PLEKHA5: variants seen among roughly 807,000 people sequenced by gnomAD.
PLEKHA5 encodes the protein pleckstrin homology domain containing A5.
Under a neutral mutation model 181.9 loss-of-function variants are expected in PLEKHA5, and 55 were observed. The observed-to-expected ratio is 0.30, with a 90% CI of 0.24 to 0.38. PLEKHA5 has a LOEUF of 0.38. Ranked by LOEUF, PLEKHA5 falls within the 10% of genes least tolerant of loss-of-function variation. The pLI, the probability that PLEKHA5 is intolerant of heterozygous loss-of-function variation, is 1.00. For synonymous variants in PLEKHA5, 535 were observed against 529.4 expected, an observed-to-expected ratio of 1.01 and a Z score of -0.15; for missense variants, 1,432 against 1,549.5, an observed-to-expected ratio of 0.92 and a Z score of 1.27.
chr12:19,148,850 T>A (rs1004626662), intron 3 of PLEKHA5, among the ~76,000 whole-genome samples: 1 of 152,178 alleles, frequency 6.6e-6, no homozygotes, highest in Non-Finnish European at 1.5e-5. Context: ...TCTCAGGCTC[T>A]TTCACACCTA....
chr12:19,241,310 C>A (rs2062543482), intron 3 of PLEKHA5, among the ~76,000 whole-genome samples: 2 of 151,994 alleles, frequency 1.3e-5, no homozygotes, highest in Admixed American at 1.3e-4. Flanking sequence ...GGTTTTAATT[C>A]CTATTCTACA....
chr12:19,177,921 T>C (rs1369392533), intron 3 of PLEKHA5, among the ~76,000 whole-genome samples: 1 of 152,234 alleles, frequency 6.6e-6, no homozygotes, highest in African/African-American at 2.4e-5. Context: ...TCAGCTTCTG[T>C]GTGACTAATT....
At chr12:19,375,105 G>A (rs2095684040) in intron 31 of PLEKHA5, among the ~76,000 whole-genome samples, 1 of 151,512 alleles carries the variant, frequency 6.6e-6, no homozygotes, top group Admixed American at 6.6e-5. Context: ...AGTCAGATCA[G>A]TTGAGGCCAG....
At chr12:19,147,263 T>G (rs2039156286) in intron 3 of PLEKHA5, 1 of 152,230 alleles carries the variant, frequency 6.6e-6, no homozygotes, top group South Asian at 2.1e-4. Context: ...ACGTATTTCT[T>G]TTTTCTATTT....
chr12:19,174,016 A>G (rs1591926845), intron 3 of PLEKHA5, among the ~76,000 whole-genome samples: 2 of 152,256 alleles, frequency 1.3e-5, no homozygotes, highest in Non-Finnish European at 1.5e-5. Context: ...TTTTAAAACT[A>G]TAAAATGAAT....
rs1336766261 is a variant in PLEKHA5, at chr12:19,168,232, TG to T, written c.227+35783del. 2.6e-5 allele frequency among the ~76,000 whole-genome samples: 4 copies of T among 152,332 alleles called. No homozygotes were observed. The East Asian group carries it at 5.8e-4, about 22-fold the overall frequency. ...AATCACCTTCTGGCTGCCATTTTGC[TG>T]TATTTCTTTTGAGGTATTCTCTTTG... On this transcript the variant is annotated intron_variant, in intron 3 of 31. Coordinates refer to ENST00000429027, the MANE Select transcript of PLEKHA5 (RefSeq NM_001256470.2).
At position 19,167,545 on chromosome 12, in the gene PLEKHA5, A is replaced by T. The variant is rs181248285; in HGVS notation, c.227+35095A>T. On this transcript the variant is annotated intron_variant, in intron 3 of 31. Transcript: ENST00000429027. ...AATCCTGTCTCTTCCCTGTTGGTTT[A>T]ACCTGTGTTATCCACATTTTTTTAT... 2.8e-3 allele frequency among the ~76,000 whole-genome samples: 415 copies of T among 147,952 alleles called. 2 individuals carry two copies. Among genetic ancestry groups the T allele is most frequent in the African/African-American group, 9.3e-3 (373 of 40,102 alleles).
At chr12:19,148,343 C>T (rs1044881654) in intron 3 of PLEKHA5, among the ~76,000 whole-genome samples, 1 of 152,214 alleles carries the variant, frequency 6.6e-6, no homozygotes, top group Admixed American at 6.5e-5. Flanking sequence ...AGGTGTAAGC[C>T]ACCATGTCCG....
chr12:19,163,394 G>A (rs1296694150), intron 3 of PLEKHA5, among the ~76,000 whole-genome samples: 4 of 152,108 alleles, frequency 2.6e-5, no homozygotes, highest in African/African-American at 9.6e-5. Context: ...AGCCAGGATG[G>A]TCTCAATCTC....
At chr12:19,281,720 A>C (rs755602499) in intron 11 of PLEKHA5, among the ~76,000 whole-genome samples, 1 of 152,164 alleles carries the variant, frequency 6.6e-6, no homozygotes, top group Admixed American at 6.5e-5. Context: ...TGAAGTTGGC[A>C]CTGTGATAGT....
chr12:19,356,576 C>T (rs116681611), intron 26 of PLEKHA5, among the ~76,000 whole-genome samples: 1 of 150,932 alleles, frequency 6.6e-6, no homozygotes, highest in South Asian at 2.1e-4. Flanking sequence ...TATTTTACCA[C>T]TTATTAAGTG....
At chr12:19,234,085 A>T (rs1288457401) in intron 3 of PLEKHA5, among the ~76,000 whole-genome samples, 1 of 152,214 alleles carries the variant, frequency 6.6e-6, no homozygotes, top group South Asian at 2.1e-4. Flanking sequence ...TTTTCCTTAA[A>T]TGAATAGTTT....
rs549439827 is a variant in PLEKHA5, at chr12:19,180,189, A to G, written c.227+47739A>G. On this transcript the variant is annotated intron_variant, in intron 3 of 31. Coordinates refer to ENST00000429027, the MANE Select transcript of PLEKHA5 (RefSeq NM_001256470.2). ...AGCAAATCTCAAACTGTCAGCTTAG[A>G]GGTTTATTGTGCGTGTCTGCTCTTT... 4.9e-4 allele frequency among the ~76,000 whole-genome samples: 74 copies of G among 152,310 alleles called. 1 individual carries two copies. Among genetic ancestry groups the G allele is most frequent in the South Asian group, 8.3e-4 (4 of 4,832 alleles).
At chr12:19,315,643 A>G (rs1342178001) in intron 16 of PLEKHA5, among the ~76,000 whole-genome samples, 3 of 152,138 alleles carry the variant, frequency 2.0e-5, no homozygotes, top group African/African-American at 4.8e-5. Flanking sequence ...TTTCACTTCA[A>G]CACCCTCAAA....
intron 31 of PLEKHA5, 114 bp from the exon 32 acceptor site, chr12:19,375,417 A>G (rs148752782): frequency 2.0e-5 from 3 of 152,372 alleles, no homozygotes; most frequent in African/African-American, 4.8e-5. Flanking sequence ...TAGGATTTTC[A>G]TGGCCATGCT....
intron 12 of PLEKHA5, among the ~76,000 whole-genome samples, chr12:19,284,080 T>G (rs1380979000): frequency 6.6e-6 from 1 of 152,130 alleles, no homozygotes; most frequent in Admixed American, 6.6e-5. Context: ...TGTTGTTGTT[T>G]TGTTTTGAGA....
At chr12:19,292,033 A>C (rs1196377962) in intron 15 of PLEKHA5, among the ~76,000 whole-genome samples, 1 of 152,184 alleles carries the variant, frequency 6.6e-6, no homozygotes, top group Admixed American at 6.5e-5. Context: ...AACAGACACC[A>C]AGCTGTGAAT....
chr12:19,290,713 C>T lies in PLEKHA5; in HGVS notation c.1900C>T (p.Arg634Trp). The T allele has an allele frequency of 1.3e-6, 2 of 1,534,660 alleles. No individual in the cohort carries two copies. Among genetic ancestry groups the T allele is most frequent in the Non-Finnish European group, 1.7e-6 (2 of 1,145,736 alleles). ...ELTLLLIKLR[R>W]QQAELSSIRE... The stretch of plus-strand genomic sequence containing the variant: ...TACGCTGCTGCTAATAAAGCTGAGA[C>T]GGCAGCAAGCCGAACTGAGTAGTAT... The change falls in exon 14 of 32, where the codon CGG becomes TGG. Residue 634 changes from arginine to tryptophan, a missense_variant. Transcript: ENST00000429027.
rs1434748354 is a variant in PLEKHA5, at chr12:19,347,098, C to T, written c.2814C>T (p.Leu938=). The change falls in exon 24 of 32, where the codon CTC becomes CTT. Residue 938 remains leucine (L), a synonymous_variant. Transcript: ENST00000429027. ...PPLPSDSSSL[L]CYSRGPVHLP... ...TGCCCAGTGATAGCAGCTCCTTGCTCTGTTATAGCAGGGGCCCAGTTCATC... is the reference window on the plus strand; with the variant it reads ...TGCCCAGTGATAGCAGCTCCTTGCTTTGTTATAGCAGGGGCCCAGTTCATC... 1 of 1,550,204 alleles carries T rather than the reference C, an allele frequency of 6.5e-7. No individual in the cohort carries two copies. Among genetic ancestry groups the T allele is most frequent in the Non-Finnish European group, 8.7e-7 (1 of 1,145,578 alleles).
Sources: allele counts gnomAD v4.1 joint callset (sites outside exome capture counted in the v4.1 genomes callset), GRCh38; gene constraint gnomAD v4.1.1; transcripts MANE v1.5; gene names NCBI Gene and HGNC (gene_info 2026-07-23, HGNC 2026-07-21).